Variants in ZNF106 observed in about 807,000 individuals in gnomAD.
ZNF106 encodes SH3-domain binding protein 3.
ZNF106 carries 67 observed loss-of-function variants against 195.1 expected under a neutral mutation model. The observed-to-expected ratio is 0.34, with a 90% CI of 0.28 to 0.42. ZNF106 has a LOEUF of 0.42. Ranked by LOEUF, ZNF106 falls within the 10% of genes least tolerant of loss-of-function variation. The pLI is 1.00. For synonymous variants in ZNF106, 784 were observed against 818.6 expected, an observed-to-expected ratio of 0.96 and a Z score of 0.72; for missense variants, 2,118 against 2,304.5, an observed-to-expected ratio of 0.92 and a Z score of 1.66.
intron 20 of ZNF106, among the ~76,000 whole-genome samples, chr15:42,420,245 T>C (rs1228769000): frequency 6.6e-6 from 1 of 152,158 alleles, no homozygotes; most frequent in Non-Finnish European, 1.5e-5. Context: ...TGTGATGAAA[T>C]CTCCTGCCAT....
At chr15:42,417,718 C>A in intron 21 of ZNF106, 87 bp downstream of exon 21, 1 of 1,432,274 alleles carries the variant, frequency 7.0e-7, no homozygotes, top group South Asian at 1.5e-5. Flanking sequence ...CTATATATGG[C>A]AATTCTCAAT....
Position 42,448,283 on chromosome 15 carries a change from G to C in ZNF106, c.2924C>G (p.Ala975Gly). 2 of 1,614,168 alleles carry C rather than the reference G, an allele frequency of 1.2e-6. No individual in the cohort carries two copies. Among genetic ancestry groups the C allele is most frequent in the South Asian group, 2.2e-5 (2 of 91,086 alleles). The change falls in exon 6 of 22, where the codon GCA becomes GGA. Residue 975 changes from alanine to glycine, a missense_variant. Ala to Gly is a moderately conservative substitution (Grantham distance 60). Coordinates refer to ENST00000564754, the MANE Select transcript of ZNF106 (RefSeq NM_001366845.3). ...SDHIIPLMHL[A>G]KDLNSQERSI... ...CCTCTCCTGGCTGTTCAAGTCTTTT[G>C]CCAAATGCATCAAAGGTATTATATG...
In ZNF106 at chr15:42,478,506, CTTTTTCT is replaced by C. The variant is rs1182802103; in HGVS notation, c.-32-6192_-32-6186del. 6.9e-3 allele frequency among the ~76,000 whole-genome samples: 834 copies of C among 120,550 alleles called. 6 individuals are homozygous for C. Among genetic ancestry groups the C allele is most frequent in the African/African-American group, 0.026 (812 of 31,784 alleles). The allele number at this position is 120,550 out of a possible 152,430, so 79.1% of individuals were successfully genotyped here. Reference sequence around the variant, plus strand: ...AAGCCATATTTTATTCAGATGTCCTCTTTTTCTTTTTTTTTTTTTTTTTTTTTGAGAC... The same window carrying C: ...AAGCCATATTTTATTCAGATGTCCTCTTTTTTTTTTTTTTTTTTTTGAGAC... On this transcript the variant is annotated intron_variant, in intron 1 of 21. Coordinates refer to ENST00000564754, the MANE Select transcript of ZNF106 (RefSeq NM_001366845.3).
Position 42,450,491 on chromosome 15 carries a change from T to G in ZNF106, c.1781A>C (p.Glu594Ala). 1 of 1,614,048 alleles carries G rather than the reference T, an allele frequency of 6.2e-7. No homozygotes were observed. The highest frequency in any genetic ancestry group is 8.5e-7 in the Non-Finnish European group (1 of 1,180,016). ...AATTTTCAAAGACCCTTTTTCAGAT[T>G]CTTCTACATTTCTACTTGCTTTTGC... The part of the protein sequence containing the change: ...NYAKASRNVE[E>A]SEKGSLKIEF... The change falls in exon 5 of 22, where the codon GAA becomes GCA. Residue 594 changes from glutamate (E) to alanine (A), a missense_variant. Physicochemically the swap from Glu to Ala is moderately radical, Grantham distance 107 (BLOSUM62 -1). Coordinates refer to ENST00000564754, the MANE Select transcript of ZNF106 (RefSeq NM_001366845.3).
At position 42,457,074 on chromosome 15, in the gene ZNF106, G is replaced by A; in HGVS notation, c.201C>T (p.His67=). 1.2e-6 allele frequency: 2 copies of A among 1,612,560 alleles called. No homozygotes were observed. Among genetic ancestry groups the A allele is most frequent in the Non-Finnish European group, 1.7e-6 (2 of 1,179,326 alleles). Residue 67 remains histidine, a synonymous_variant, in exon 4 of 22, where the codon CAC becomes CAT. Transcript: ENST00000564754. The stretch of plus-strand genomic sequence containing the variant: ...TTTCCTGGGCATCAACGTTATCTTT[G>A]TGCAACTGGCCAGAAATGTGCTTTG... ...AYAKHISGQL[H]KDNVDAQERE... is the part of the protein sequence containing the mutation.
At chr15:42,488,190 C>A (rs758201780) in intron 1 of ZNF106, among the ~76,000 whole-genome samples, 1 of 152,112 alleles carries the variant, frequency 6.6e-6, no homozygotes, top group African/African-American at 2.4e-5. Flanking sequence ...TCCATGGATG[C>A]AGAACCCATG....
chr15:42,435,722 A>G (rs1316313540), intron 13 of ZNF106, among the ~76,000 whole-genome samples: 2 of 152,210 alleles, frequency 1.3e-5, no homozygotes, highest in Non-Finnish European at 2.9e-5. Context: ...GGTATCTGAA[A>G]GTATATGTTA....
At chr15:42,464,259 G>C (rs1205197637) in intron 3 of ZNF106, among the ~76,000 whole-genome samples, 9 of 147,718 alleles carry the variant, frequency 6.1e-5, no homozygotes. Flanking sequence ...AGAATCGCTT[G>C]AACCCGGGAG....
intron 2 of ZNF106, among the ~76,000 whole-genome samples, 152 bp from the exon 3 acceptor site, chr15:42,466,266 C>T (rs1373079382): frequency 6.6e-6 from 1 of 151,632 alleles, no homozygotes; most frequent in Non-Finnish European, 1.5e-5. Context: ...AAATCAGTTC[C>T]TTAATAATTA....
Position 42,421,973 on chromosome 15 carries a change from G to T in ZNF106, c.5389C>A (p.Gln1797Lys). 6.3e-7 allele frequency: 1 copy of T among 1,578,498 alleles called. No homozygotes were observed. Residue 1797 changes from glutamine (Q) to lysine (K), a missense_variant, in exon 19 of 22, where the codon CAA (glutamine) becomes AAA (lysine). Coordinates refer to ENST00000564754, the MANE Select transcript of ZNF106 (RefSeq NM_001366845.3). ...ATGTCTTTGTGTCCTCCATAAACTT[G>T]TAATCGATCATGAGACTTAGGCAGA... is the stretch of plus-strand genomic sequence containing the variant. ...VYELQSHDRL[Q>K]VYGGHKDMIM...
intron 8 of ZNF106, 37 bp from the exon 9 acceptor site, chr15:42,444,299 CA>C (rs771948053): frequency 1.0e-4 from 159 of 1,543,628 alleles, no homozygotes; most frequent in Non-Finnish European, 1.4e-4. Context: ...TTTTGAAATC[CA>C]ACTTGTAAGG....
At chr15:42,457,222 C>A in intron 3 of ZNF106, 64 bp from the exon 4 acceptor site, 1 of 1,611,732 alleles carries the variant, frequency 6.2e-7, no homozygotes, top group Non-Finnish European at 8.5e-7. Context: ...CTCACCAGAT[C>A]TGTTATTGTT....
rs1289553937 is a variant in ZNF106, at chr15:42,484,236, C to T, written c.-33+6744G>A. ...TTTTGTAATAACCTTCTTATCCTTCCTGAAATAAAATGCAGAGCTACTGTA... is the reference window on the plus strand; with the variant it reads ...TTTTGTAATAACCTTCTTATCCTTCTTGAAATAAAATGCAGAGCTACTGTA... On this transcript the variant is annotated intron_variant, in intron 1 of 21. Transcript: ENST00000564754. 3.3e-5 allele frequency among the ~76,000 whole-genome samples: 5 copies of T among 152,092 alleles called. No homozygotes were observed. In the East Asian group the frequency reaches 9.6e-4, roughly 29 times the overall value.
At chr15:42,456,036 A>G (rs1396839019) in intron 4 of ZNF106, among the ~76,000 whole-genome samples, 1 of 152,226 alleles carries the variant, frequency 6.6e-6, no homozygotes, top group Non-Finnish European at 1.5e-5. Context: ...CAAATTAGAA[A>G]ATTTATATTG....
At chr15:42,472,361 A>G (rs2056693125) in intron 1 of ZNF106, 40 bp from the exon 2 acceptor site, 1 of 1,441,004 alleles carries the variant, frequency 6.9e-7, no homozygotes, top group East Asian at 2.5e-5. Context: ...TTTTCTCCTC[A>G]GTACCTTCTT....
In ZNF106 at chr15:42,450,447, G is replaced by GT; in HGVS notation, c.1824dup (p.Leu609ThrfsTer4). ...GTCTCTCCATCACTTTCATCTTCTAGTGCGTGCACTTGAAACTCAATTTTC... is the reference window on the plus strand; with the variant it reads ...GTCTCTCCATCACTTTCATCTTCTAGTTGCGTGCACTTGAAACTCAATTTTC... On this transcript the variant is annotated frameshift_variant, in exon 5 of 22. Coordinates refer to ENST00000564754, the MANE Select transcript of ZNF106 (RefSeq NM_001366845.3). LOFTEE classifies it high-confidence loss of function. 6.2e-7 allele frequency: 1 copy of GT among 1,614,100 alleles called. No individual in the cohort carries two copies. The highest frequency in any genetic ancestry group is 1.1e-5 in the South Asian group (1 of 91,078).
chr15:42,436,147 G>T lies in ZNF106; in HGVS notation c.4747-629C>A, dbSNP rs187255972. 5.0e-4 allele frequency among the ~76,000 whole-genome samples: 76 copies of T among 152,064 alleles called. 1 individual carries two copies. Among genetic ancestry groups the T allele is most frequent in the Non-Finnish European group, 9.9e-4 (67 of 67,994 alleles). On this transcript the variant is annotated intron_variant, in intron 13 of 21. Transcript: ENST00000564754. Reference sequence around the variant, plus strand: ...TTTTTGTATTTTTAGTAGAGATGGGGTTTCACCATGTTAGCCAGGATGGTC... The same window carrying T: ...TTTTTGTATTTTTAGTAGAGATGGGTTTTCACCATGTTAGCCAGGATGGTC...
intron 14 of ZNF106, among the ~76,000 whole-genome samples, chr15:42,432,113 G>A (rs1414118065): frequency 6.6e-6 from 1 of 152,076 alleles, no homozygotes; most frequent in Non-Finnish European, 1.5e-5. Context: ...CGGGTGTGCT[G>A]ACTCATCATT....
chr15:42,487,502 A>G (rs900617441), intron 1 of ZNF106, among the ~76,000 whole-genome samples: 1 of 151,320 alleles, frequency 6.6e-6, no homozygotes, highest in Non-Finnish European at 1.5e-5. Context: ...AAAAAAAAAA[A>G]AAAAAAAAAA....
Sources: allele counts gnomAD v4.1 joint callset (sites outside exome capture counted in the v4.1 genomes callset), GRCh38; gene constraint gnomAD v4.1.1; transcripts MANE v1.5; gene names NCBI Gene and HGNC (gene_info 2026-07-23, HGNC 2026-07-21).